Variants in TLL2 observed in about 807,000 individuals in gnomAD.
TLL2 encodes tolloid like 2.
Under a neutral mutation model 123.0 loss-of-function variants are expected in TLL2, and 106 were observed. That is an observed-to-expected ratio of 0.86 (90% CI 0.74 to 1.01). The LOEUF (loss-of-function observed/expected upper bound fraction) is 1.01. Among genes scored for constraint, TLL2 ranks in the 50% least tolerant of loss-of-function variants. The pLI is 0.00. For synonymous variants in TLL2, 494 were observed against 516.8 expected (o/e 0.96, Z 0.60); for missense variants, 1,332 against 1,336.7 (o/e 1.00, Z 0.06).
chr10:96,397,528 A>G (rs7911604), intron 10 of TLL2, among the ~76,000 whole-genome samples: 47,587 of 152,052 alleles, frequency 0.31, 7,892 homozygotes, highest in Non-Finnish European at 0.38. Flanking sequence ...GGAGAATTCC[A>G]AATTCCCATC....
At chr10:96,498,947 C>T (rs1847505818) in intron 1 of TLL2, among the ~76,000 whole-genome samples, 2 of 152,226 alleles carry the variant, frequency 1.3e-5, no homozygotes. Context: ...AAATAGACTT[C>T]TAGCTTGTTT....
At chr10:96,369,579 G>C (rs1589402456) in intron 20 of TLL2, among the ~76,000 whole-genome samples, 1 of 152,132 alleles carries the variant, frequency 6.6e-6, no homozygotes, top group South Asian at 2.1e-4. Context: ...TGACCAACAT[G>C]GTGAAACCCC....
chr10:96,368,852 T>G (rs900790282), intron 20 of TLL2, among the ~76,000 whole-genome samples: 16 of 152,232 alleles, frequency 1.1e-4, no homozygotes, highest in African/African-American at 3.9e-4. Flanking sequence ...CAAAGTGGGC[T>G]TCCCCCACAG....
intron 1 of TLL2, among the ~76,000 whole-genome samples, chr10:96,486,489 G>A (rs568174320): frequency 2.0e-5 from 3 of 152,274 alleles, no homozygotes; most frequent in African/African-American, 7.2e-5. Context: ...AGAGCTGCAG[G>A]TCTAAGACAC....
At chr10:96,439,253 C>A (rs7919050) in intron 3 of TLL2, among the ~76,000 whole-genome samples, 79,468 of 82,250 alleles carry the variant, frequency 0.97, 38,343 homozygotes, top group African/African-American at 0.98. Context: ...GACATGTGCA[C>A]CCATGCCTAG....
intron 1 of TLL2, among the ~76,000 whole-genome samples, chr10:96,494,403 A>G (rs1282876347): frequency 6.6e-6 from 1 of 152,106 alleles, no homozygotes; most frequent in African/African-American, 2.4e-5. Context: ...CAGCCCCCTG[A>G]CCTTCCTGGT....
intron 1 of TLL2, among the ~76,000 whole-genome samples, chr10:96,492,602 C>T (rs1343530123): frequency 6.6e-6 from 1 of 152,204 alleles, no homozygotes; most frequent in Non-Finnish European, 1.5e-5. Context: ...CCAGCCTGGG[C>T]AACAAGAGCA....
At position 96,365,479 on chromosome 10, in the gene TLL2, T is replaced by A. The variant is rs1413644551; in HGVS notation, c.*2609A>T. 6.6e-6 allele frequency: 1 copy of A among 152,262 alleles called. No homozygotes were observed. Among genetic ancestry groups the A allele is most frequent in the Non-Finnish European group, 1.5e-5 (1 of 68,054 alleles). 9.4% of individuals were successfully genotyped at this position (152,262 alleles called of 1,614,324 possible). A position where few individuals can be genotyped will look rare whatever the true frequency, so the allele number is the denominator to read the frequency against. On this transcript the variant is annotated 3_prime_UTR_variant, in exon 21 of 21. Coordinates refer to ENST00000357947, the MANE Select transcript of TLL2 (RefSeq NM_012465.4). ...CCCCAAATCCTTCATTAGCCTGTTG[T>A]CCTAAGACAATTCTCTGAACTAAAA...
chr10:96,486,719 T>C (rs1847359926), intron 1 of TLL2, among the ~76,000 whole-genome samples: 3 of 152,178 alleles, frequency 2.0e-5, no homozygotes, highest in Admixed American at 2.0e-4. Context: ...CCTTGAACCA[T>C]CTGTAGAGAG....
At chr10:96,481,321 A>AT (rs1216875462) in intron 1 of TLL2, among the ~76,000 whole-genome samples, 1 of 151,760 alleles carries the variant, frequency 6.6e-6, no homozygotes, top group African/African-American at 2.4e-5. Flanking sequence ...TAATTTTATA[A>AT]TTTTTTTTGT....
At chr10:96,438,926 T>G (rs1846823548) in intron 3 of TLL2, among the ~76,000 whole-genome samples, 2 of 152,080 alleles carry the variant, frequency 1.3e-5, no homozygotes, top group African/African-American at 4.8e-5. Flanking sequence ...GGATTCTTCT[T>G]TACTAGCTTG....
chr10:96,379,028 G>A lies in TLL2; in HGVS notation c.2259C>T (p.Ser753=). The change falls in exon 17 of 21, where the codon AGC becomes AGT. Residue 753 remains serine (S), a synonymous_variant. Transcript: ENST00000357947. ...CQHECVNTFG[S]YLCRCRNGYW... ...AGCCGTTTCTGCACCTGCACAGGTA[G>A]CTCCCGAAGGTGTTGACGCACTCAT... is the stretch of plus-strand genomic sequence containing the variant. 1 of 1,614,220 alleles carries A rather than the reference G, an allele frequency of 6.2e-7. No individual in the cohort carries two copies. Among genetic ancestry groups the A allele is most frequent in the South Asian group, 1.1e-5 (1 of 91,076 alleles).
At chr10:96,444,453 T>C (rs945078753) in intron 3 of TLL2, among the ~76,000 whole-genome samples, 2 of 152,228 alleles carry the variant, frequency 1.3e-5, no homozygotes, top group South Asian at 4.1e-4. Flanking sequence ...GAGGTATTGA[T>C]GACGAAAGCA....
At chr10:96,492,568 G>C (rs760843600) in intron 1 of TLL2, among the ~76,000 whole-genome samples, 6 of 152,308 alleles carry the variant, frequency 3.9e-5, no homozygotes, top group Non-Finnish European at 7.3e-5. Flanking sequence ...AGGTTGCAGT[G>C]AGCCAAGATC....
In TLL2 at chr10:96,402,947, T is replaced by C. The variant is rs1402683407; in HGVS notation, c.1267+2285A>G. On this transcript the variant is annotated intron_variant, in intron 10 of 20. Transcript: ENST00000357947. The stretch of plus-strand genomic sequence containing the variant: ...ATCTCCATCTTGGCCAACCACCCGA[T>C]ACCAGCTCACTCTCAGGCTCGTCAG... Among the ~76,000 whole-genome samples, 4 of 152,142 alleles carry C rather than the reference T, an allele frequency of 2.6e-5. No individual in the cohort carries two copies. The South Asian group carries it at 6.2e-4, about 24-fold the overall frequency.
At chr10:96,506,251 CA>C (rs1210970430) in intron 1 of TLL2, among the ~76,000 whole-genome samples, 3 of 36,754 alleles carry the variant, frequency 8.2e-5, no homozygotes, top group African/African-American at 2.2e-4. Context: ...GACCCCATCT[CA>C]AAAAAAAAAA....
Position 96,395,237 on chromosome 10 carries a change from A to C in TLL2, c.1676T>G (p.Val559Gly). The change falls in exon 13 of 21, where the codon GTG becomes GGG. Residue 559 changes from valine (V) to glycine (G), a missense_variant. Physicochemically the swap from Val to Gly is moderately radical, Grantham distance 109 (BLOSUM62 -3). Coordinates refer to ENST00000357947, the MANE Select transcript of TLL2 (RefSeq NM_012465.4). ...CGCTTTATTGATAGAGCCATCGGAC[A>C]CAAACTTCATCCACAGTCTGTTGGA... is the stretch of plus-strand genomic sequence containing the variant. ...SSSNRLWMKFVSDGSINKAGF... is the reference protein window; with the variant it reads ...SSSNRLWMKFGSDGSINKAGF... 6.2e-7 allele frequency: 1 copy of C among 1,613,314 alleles called. No individual in the cohort carries two copies. Among genetic ancestry groups the C allele is most frequent in the Non-Finnish European group, 8.5e-7 (1 of 1,179,818 alleles).
intron 2 of TLL2, among the ~76,000 whole-genome samples, chr10:96,467,229 G>A (rs1008161799): frequency 6.6e-6 from 1 of 152,036 alleles, no homozygotes; most frequent in African/African-American, 2.4e-5. Context: ...ATCTTGCTTT[G>A]TCACCCAGGC....
intron 2 of TLL2, among the ~76,000 whole-genome samples, chr10:96,476,240 A>ATATATATTTTTTTTTTT: frequency 9.8e-5 from 2 of 20,480 alleles, no homozygotes; most frequent in South Asian, 3.6e-3. Flanking sequence ...ATATATATAT[A>ATATATATTTTTTTTTTT]TTTTATTTTT....
Sources: allele counts gnomAD v4.1 joint callset (sites outside exome capture counted in the v4.1 genomes callset), GRCh38; gene constraint gnomAD v4.1.1; transcripts MANE v1.5; gene names NCBI Gene and HGNC (gene_info 2026-07-23, HGNC 2026-07-21).